NCAM2: variants seen among roughly 807,000 people sequenced by gnomAD.
NCAM2 encodes the protein neural cell adhesion molecule 2, also known as N-CAM-2.
NCAM2 carries 30 observed loss-of-function variants against 98.1 expected under a neutral mutation model. That is an observed-to-expected ratio of 0.31 (90% CI 0.23 to 0.41). The LOEUF (loss-of-function observed/expected upper bound fraction) is 0.41, where lower values mean the gene tolerates loss of function less well. NCAM2 is among the 10% of genes least tolerant of loss of function. The probability of loss-of-function intolerance (pLI) is 1.00; values close to 1 mark genes in which losing one functional copy is unlikely to be tolerated. For missense variants in NCAM2, 867 were observed against 1,005.8 expected (o/e 0.86, Z 1.87); for synonymous variants, 368 against 342.4 (o/e 1.07, Z -0.83).
intron 8 of NCAM2, among the ~76,000 whole-genome samples, chr21:21,355,525 G>A (rs1338648886): frequency 1.0e-5 from 1 of 98,896 alleles, no homozygotes; most frequent in Non-Finnish European, 2.5e-5. Context: ...GAGAGAGGGA[G>A]GAGGGAGGGA....
chr21:21,089,737 G>A (rs1377814515), intron 1 of NCAM2, among the ~76,000 whole-genome samples: 1 of 152,156 alleles, frequency 6.6e-6, no homozygotes, highest in Non-Finnish European at 1.5e-5. Flanking sequence ...TTTACCAAGT[G>A]CATTTAAGGT....
chr21:21,015,004 T>G (rs371273866), intron 1 of NCAM2, among the ~76,000 whole-genome samples: 115 of 152,270 alleles, frequency 7.6e-4, no homozygotes, highest in African/African-American at 2.6e-3. Flanking sequence ...AGAAATAGAT[T>G]AGAAGTGGAG....
chr21:21,190,341 G>A (rs2826729), intron 1 of NCAM2, among the ~76,000 whole-genome samples: 47,814 of 152,100 alleles, frequency 0.31, 8,745 homozygotes, highest in Non-Finnish European at 0.43. Flanking sequence ...GCTATCTTTG[G>A]GCATTACCAA....
chr21:21,270,635 C>A (rs895401491), intron 1 of NCAM2, among the ~76,000 whole-genome samples: 1 of 152,068 alleles, frequency 6.6e-6, no homozygotes, highest in Non-Finnish European at 1.5e-5. Flanking sequence ...TCATACAATG[C>A]GTTTTAGGAA....
At chr21:21,083,642 T>C (rs2065853332) in intron 1 of NCAM2, among the ~76,000 whole-genome samples, 2 of 152,136 alleles carry the variant, frequency 1.3e-5, no homozygotes, top group Admixed American at 6.5e-5. Flanking sequence ...CTTGAACTTC[T>C]GGCTTCAAAC....
intron 11 of NCAM2, among the ~76,000 whole-genome samples, chr21:21,423,742 T>G (rs1206674928): frequency 6.6e-6 from 1 of 152,128 alleles, no homozygotes; most frequent in Non-Finnish European, 1.5e-5. Context: ...TTTGACTCAT[T>G]TTTTAACCTA....
intron 1 of NCAM2, among the ~76,000 whole-genome samples, chr21:21,263,633 C>A (rs1314823101): frequency 6.6e-6 from 1 of 152,052 alleles, no homozygotes; most frequent in Non-Finnish European, 1.5e-5. Context: ...ATAACAAAAA[C>A]AGCATATTAC....
In NCAM2 at chr21:21,144,183, A is replaced by G. The variant is rs2067226753; in HGVS notation, c.56-136395A>G. Reference sequence around the variant, plus strand: ...GCTAACATGGTGAAACCCCATCTCCACTAAAAATATAAAAAATTAGCCAGG... The same window carrying G: ...GCTAACATGGTGAAACCCCATCTCCGCTAAAAATATAAAAAATTAGCCAGG... On this transcript the variant is annotated intron_variant, in intron 1 of 17. Coordinates refer to ENST00000400546, the MANE Select transcript of NCAM2 (RefSeq NM_004540.5). 2.0e-5 allele frequency among the ~76,000 whole-genome samples: 3 copies of G among 151,908 alleles called. No homozygotes were observed. In the South Asian group the frequency reaches 6.2e-4, roughly 32 times the overall value.
At chr21:21,049,034 C>T (rs1201264746) in intron 1 of NCAM2, among the ~76,000 whole-genome samples, 6 of 100,334 alleles carry the variant, frequency 6.0e-5, no homozygotes, top group African/African-American at 1.5e-4. Flanking sequence ...TTTTTTGAGA[C>T]GGAGTCTCGC....
chr21:21,271,694 TGA>T (rs1455970271), intron 1 of NCAM2, among the ~76,000 whole-genome samples: 2 of 152,084 alleles, frequency 1.3e-5, no homozygotes, highest in African/African-American at 4.8e-5. Context: ...TATTCATAGT[TGA>T]GAAAAAGGAA....
At chr21:21,419,171 TTTTAAAAAC>T (rs1377539513) in intron 11 of NCAM2, among the ~76,000 whole-genome samples, 2 of 152,158 alleles carry the variant, frequency 1.3e-5, no homozygotes, top group African/African-American at 4.8e-5. Context: ...AATGAATCAC[TTTTAAAAAC>T]TTCAAACCAT....
At chr21:21,229,726 C>T (rs1017371680) in intron 1 of NCAM2, among the ~76,000 whole-genome samples, 1 of 151,306 alleles carries the variant, frequency 6.6e-6, no homozygotes, top group Non-Finnish European at 1.5e-5. Flanking sequence ...TGAATCTAGT[C>T]CCTAACTAGT....
chr21:21,104,134 CAT>C (rs1233543293), intron 1 of NCAM2, among the ~76,000 whole-genome samples: 2 of 152,050 alleles, frequency 1.3e-5, no homozygotes, highest in African/African-American at 2.4e-5. Context: ...GTGAAAAATA[CAT>C]ATGTTATGAT....
chr21:21,131,267 G>A (rs191258593), intron 1 of NCAM2, among the ~76,000 whole-genome samples: 1 of 130,046 alleles, frequency 7.7e-6, no homozygotes, highest in Admixed American at 7.7e-5. Flanking sequence ...TATTTCTAGG[G>A]TTTAATTTTT....
chr21:21,392,114 T>C (rs890643439), intron 9 of NCAM2, among the ~76,000 whole-genome samples: 1 of 152,108 alleles, frequency 6.6e-6, no homozygotes, highest in Non-Finnish European at 1.5e-5. Flanking sequence ...CCTCCACCCT[T>C]TGATAGTTCC....
intron 12 of NCAM2, among the ~76,000 whole-genome samples, chr21:21,439,817 A>G (rs1978974385): frequency 6.6e-6 from 1 of 152,182 alleles, no homozygotes; most frequent in Non-Finnish European, 1.5e-5. Context: ...AAAGAAAACT[A>G]CTCTTGCATC....
At chr21:21,136,147 T>C (rs1385131978) in intron 1 of NCAM2, among the ~76,000 whole-genome samples, 1 of 152,198 alleles carries the variant, frequency 6.6e-6, no homozygotes, top group Non-Finnish European at 1.5e-5. Flanking sequence ...CAGACACTTA[T>C]CTGCAACATT....
At chr21:21,110,183 G>A (rs918100116) in intron 1 of NCAM2, among the ~76,000 whole-genome samples, 8 of 152,142 alleles carry the variant, frequency 5.3e-5, no homozygotes, top group South Asian at 2.1e-4. Flanking sequence ...AAAAAAATAC[G>A]TTCTACCCAA....
chr21:21,134,182 C>T (rs540993062), intron 1 of NCAM2, among the ~76,000 whole-genome samples: 165 of 151,980 alleles, frequency 1.1e-3, no homozygotes, highest in African/African-American at 3.5e-3. Flanking sequence ...GATTCTCCTG[C>T]GTCAGCCTCC....
Sources: gnomAD v4.1 joint callset for allele counts (sites outside exome capture counted in the v4.1 genomes callset) on GRCh38, gnomAD v4.1.1 for gene constraint, MANE v1.5 for transcripts, NCBI Gene and HGNC (gene_info 2026-07-23, HGNC 2026-07-21) for gene names.